PACS2: variants seen among roughly 807,000 people sequenced by gnomAD.
The protein encoded by PACS2 is phosphofurin acidic cluster sorting protein 2.
Under a neutral mutation model 113.0 loss-of-function variants are expected in PACS2, and 36 were observed. The ratio of observed to expected loss-of-function variants is 0.32; its 90% CI spans 0.24 to 0.42. PACS2 has a LOEUF of 0.42. Among genes scored for constraint, PACS2 ranks in the 10% least tolerant of loss-of-function variants. PACS2 has a pLI of 1.00. For synonymous variants in PACS2, 589 were observed against 536.1 expected, an observed-to-expected ratio of 1.10 and a Z score of -1.36; for missense variants, 1,015 against 1,239.5, an observed-to-expected ratio of 0.82 and a Z score of 2.72.
intron 4 of PACS2, among the ~76,000 whole-genome samples, chr14:105,360,263 G>A (rs1555406173): frequency 6.6e-6 from 1 of 152,166 alleles, no homozygotes; most frequent in African/African-American, 2.4e-5. Flanking sequence ...GCTAAAGCTG[G>A]GTGCGGTGGC....
chr14:105,385,397 C>G (rs1375366112), intron 18 of PACS2, among the ~76,000 whole-genome samples: 6 of 152,218 alleles, frequency 3.9e-5, no homozygotes, highest in African/African-American at 1.2e-4. Context: ...CTCGTGTCCT[C>G]ACCTGCCCAG....
At chr14:105,393,152 G>A (rs115168974) in intron 23 of PACS2, 70 bp from the exon 24 acceptor site, 33 of 1,212,692 alleles carry the variant, frequency 2.7e-5, no homozygotes, top group Admixed American at 2.1e-4. Context: ...TCCCCCACAC[G>A]TACCCCTGGC....
chr14:105,350,652 C>T (rs1389319188), intron 2 of PACS2, among the ~76,000 whole-genome samples: 8 of 152,244 alleles, frequency 5.3e-5, no homozygotes, highest in Non-Finnish European at 1.2e-4. Context: ...AGCCTGGCCC[C>T]GCAGCCCCAC....
chr14:105,332,353 A>G (rs1475503301), intron 1 of PACS2, among the ~76,000 whole-genome samples: 1 of 152,210 alleles, frequency 6.6e-6, no homozygotes, highest in Non-Finnish European at 1.5e-5. Flanking sequence ...CCAGACCCAC[A>G]ACACGGAGCA....
Position 105,348,509 on chromosome 14 carries a change from C to G in PACS2, c.136C>G (p.Leu46Val). ...GCCTCACAGGTTGTGCAGCCTGACTCTGAAGAAGCTGGTGGTCTTCAAGGA... is the reference window on the plus strand; with the variant it reads ...GCCTCACAGGTTGTGCAGCCTGACTGTGAAGAAGCTGGTGGTCTTCAAGGA... ...SCVPRLCSLT[L>V]KKLVVFKELE... The change falls in exon 2 of 25, where the codon CTG becomes GTG. Residue 46 changes from leucine (L) to valine (V), a missense_variant. By Grantham distance (32) the Leu-to-Val change is conservative. This residue lies in a region of PACS2 where 140 missense variants were observed against 135.1 expected (regional missense o/e 1.04). Transcript: ENST00000447393. The surrounding 1 kb of genome is among the most constrained non-coding windows in gnomAD (Gnocchi z 6.4). 4 of 1,612,200 alleles carry G rather than the reference C, an allele frequency of 2.5e-6. No homozygotes were observed. The highest frequency in any genetic ancestry group is 3.4e-6 in the Non-Finnish European group (4 of 1,179,614).
intron 1 of PACS2, among the ~76,000 whole-genome samples, chr14:105,342,046 G>C (rs1206729149): frequency 6.6e-6 from 1 of 152,218 alleles, no homozygotes; most frequent in East Asian, 1.9e-4. Context: ...TGTAAGGAAC[G>C]TGAGCTTCTG....
rs1186578976 is a variant in PACS2 at position 105,315,243 on chromosome 14, C to G, written c.119+206C>G. The G allele has an allele frequency of 5.7e-6, 1 of 176,242 alleles. No homozygotes were observed. The highest frequency in any genetic ancestry group is 2.4e-5 in the African/African-American group (1 of 41,888). 10.9% of individuals were successfully genotyped at this position (176,242 alleles called of 1,614,324 possible). A position where few individuals can be genotyped will look rare whatever the true frequency, so the allele number is the denominator to read the frequency against. On this transcript the variant is annotated intron_variant, in intron 1 of 24. Coordinates refer to ENST00000447393, the MANE Select transcript of PACS2 (RefSeq NM_001100913.3). This position sits in a 1 kb window ranked among gnomAD's most constrained non-coding sequence, Gnocchi z 4.4. ...GCCCCAGCCCCCCAGGTCCCGAGCA[C>G]CGGGGGCCGCGCTCAGCTTCCGAGG... is the stretch of plus-strand genomic sequence containing the variant.
In PACS2 at chr14:105,391,432, C is replaced by A. The variant is rs880001673; in HGVS notation, c.2119+183C>A. On this transcript the variant is annotated intron_variant, in intron 21 of 24. Transcript: ENST00000447393. ...TCCAAGGACTGCTGTCACAAAGCCC[C>A]ACATCAAGGCTGGCAGGGTTGTCTT... 1.8e-5 allele frequency: 12 copies of A among 658,486 alleles called. No individual in the cohort carries two copies. In the African/African-American group the frequency reaches 2.0e-4, roughly 11 times the overall value. The allele number at this position is 658,486 out of a possible 1,614,324, so 40.8% of individuals were successfully genotyped here.
chr14:105,335,754 G>A (rs1411862751), intron 1 of PACS2, among the ~76,000 whole-genome samples: 1 of 152,240 alleles, frequency 6.6e-6, no homozygotes, highest in Non-Finnish European at 1.5e-5. Flanking sequence ...TCATTAGCAG[G>A]GAGCAGCCAT....
At chr14:105,371,656 C>T (rs1450848242) in intron 8 of PACS2, 4 of 152,262 alleles carry the variant, frequency 2.6e-5, no homozygotes, top group Non-Finnish European at 5.9e-5. Context: ...GAGTGCCACA[C>T]CTGGCACTGC....
At chr14:105,307,374 T>C (rs2058221029) in intron 1 of PACS2, among the ~76,000 whole-genome samples, 2 of 152,082 alleles carry the variant, frequency 1.3e-5, no homozygotes, top group South Asian at 4.1e-4. Flanking sequence ...AATGACCCAG[T>C]TCTAATTCTG....
rs2059039425 is a variant in PACS2 at position 105,324,931 on chromosome 14, G to T, written c.119+9894G>T. Reference sequence around the variant, plus strand: ...GAAATGGGCAAGGGAAGACACTGGGGAAGGGGTGGGTCTGCCCTTCCTGCT... The same window carrying T: ...GAAATGGGCAAGGGAAGACACTGGGTAAGGGGTGGGTCTGCCCTTCCTGCT... On this transcript the variant is annotated intron_variant, in intron 1 of 24. Coordinates refer to ENST00000447393, the MANE Select transcript of PACS2 (RefSeq NM_001100913.3). This position sits in a 1 kb window ranked among gnomAD's most constrained non-coding sequence, Gnocchi z 4.7. 6.6e-6 allele frequency among the ~76,000 whole-genome samples: 1 copy of T among 152,128 alleles called. No individual in the cohort carries two copies. The highest frequency in any genetic ancestry group is 2.1e-4 in the South Asian group (1 of 4,832).
intron 1 of PACS2, among the ~76,000 whole-genome samples, chr14:105,344,554 T>C (rs2059849293): frequency 6.6e-6 from 1 of 152,206 alleles, no homozygotes; most frequent in Non-Finnish European, 1.5e-5. Context: ...GTCAAATTTT[T>C]GTTCATGAAG....
intron 1 of PACS2, among the ~76,000 whole-genome samples, chr14:105,346,585 CT>C (rs1194074837): frequency 1.6e-5 from 1 of 64,382 alleles, no homozygotes; most frequent in Non-Finnish European, 3.0e-5. Context: ...ACTTCCCCCC[CT>C]ACCCCCTGCA....
intron 1 of PACS2, among the ~76,000 whole-genome samples, chr14:105,328,747 G>C (rs1278983619): frequency 6.6e-6 from 1 of 152,178 alleles, no homozygotes; most frequent in Non-Finnish European, 1.5e-5. Context: ...CCAACTAGCT[G>C]TTTCTGTTAA....
intron 9 of PACS2, 137 bp downstream of exon 9, chr14:105,377,062 CTG>C: frequency 1.1e-6 from 1 of 915,282 alleles, no homozygotes. Context: ...TGGGAAGGCT[CTG>C]GTGGCTGGAA....
chr14:105,336,847 G>A (rs587664440), intron 1 of PACS2, among the ~76,000 whole-genome samples: 4 of 152,322 alleles, frequency 2.6e-5, no homozygotes, highest in Non-Finnish European at 4.4e-5. Context: ...CAGAGTTACC[G>A]TCAGAGTTAC....
In PACS2 at chr14:105,324,052, C is replaced by T. The variant is rs939410920; in HGVS notation, c.119+9015C>T. Among the ~76,000 whole-genome samples the T allele has an allele frequency of 2.0e-5, 3 of 152,214 alleles. No homozygotes were observed. Among genetic ancestry groups the T allele is most frequent in the African/African-American group, 7.2e-5 (3 of 41,450 alleles). On this transcript the variant is annotated intron_variant, in intron 1 of 24. Transcript: ENST00000447393. This position sits in a 1 kb window ranked among gnomAD's most constrained non-coding sequence, Gnocchi z 4.7. ...CTCCTGCTGGGGACTGGCTTTTGTGCAGGAGATGGAGGGCAGGGGGCTACA... is the reference window on the plus strand; with the variant it reads ...CTCCTGCTGGGGACTGGCTTTTGTGTAGGAGATGGAGGGCAGGGGGCTACA...
At chr14:105,368,008 T>C (rs879959130) in intron 5 of PACS2, 66 bp from the exon 6 acceptor site, 2 of 1,010,964 alleles carry the variant, frequency 2.0e-6, no homozygotes, top group East Asian at 4.8e-5. Context: ...AGCCTGGGGG[T>C]GGTCACTGCC....
Sources: gnomAD v4.1 joint callset for allele counts (sites outside exome capture counted in the v4.1 genomes callset) on GRCh38, gnomAD v4.1.1 for gene constraint, gnomAD v4.1.1 regional missense constraint, Gnocchi (gnomAD v3.1) non-coding constraint, MANE v1.5 for transcripts, NCBI Gene and HGNC (gene_info 2026-07-23, HGNC 2026-07-21) for gene names.